The following WWTR1 variants were observed in gnomAD, a reference collection of about 807,000 sequenced individuals.
WWTR1 encodes the protein WW domain containing transcription regulator 1, also known as WW domain-containing transcription regulator protein 1.
In WWTR1, 13 loss-of-function variants were observed where a neutral mutation model predicts 40.1. That is an observed-to-expected ratio of 0.32 (90% confidence interval 0.21 to 0.52). The LOEUF is 0.52. Among genes scored for constraint, WWTR1 ranks in the 20% least tolerant of loss-of-function variants. The probability of loss-of-function intolerance (pLI) is 0.97; values close to 1 mark genes in which losing one functional copy is unlikely to be tolerated. For synonymous variants in WWTR1, 230 were observed against 210.1 expected (o/e 1.09, Z -0.82); for missense variants, 436 against 523.1 (o/e 0.83, Z 1.63).
chr3:149,654,162 A>G (rs555618393), intron 2 of WWTR1, among the ~76,000 whole-genome samples: 2 of 152,208 alleles, frequency 1.3e-5, no homozygotes, highest in Admixed American at 6.5e-5. Flanking sequence ...CCTCAGCCCT[A>G]TTTCATAGAT....
intron 2 of WWTR1, among the ~76,000 whole-genome samples, chr3:149,603,854 C>CAAAAAAAA (rs370980729): frequency 2.4e-5 from 2 of 83,282 alleles, no homozygotes; most frequent in East Asian, 3.1e-4. Flanking sequence ...AGCGGCATAC[C>CAAAAAAAA]AAAAAAAAAA....
intron 5 of WWTR1, among the ~76,000 whole-genome samples, chr3:149,709,629 G>A (rs1715429188): frequency 1.3e-5 from 2 of 152,180 alleles, no homozygotes; most frequent in African/African-American, 4.8e-5. Flanking sequence ...ACTCGGCCAG[G>A]AGCGGTGGCT....
rs577415685 is a variant in WWTR1 at position 149,691,867 on chromosome 3, T to C, written c.-108+11257A>G. ...CCGTCTCTACTAAAAATACAAAAAA[T>C]TAGCCGGGCGTGGTGGCAGGCGCCT... On this transcript the variant is annotated intron_variant, in intron 1 of 7. Transcript: ENST00000465804. 4.1e-3 allele frequency among the ~76,000 whole-genome samples: 629 copies of C among 151,650 alleles called. 5 individuals are homozygous for C. The highest frequency in any genetic ancestry group is 0.015 in the African/African-American group (604 of 41,328).
chr3:149,521,594 T>C (rs1406618402), intron 6 of WWTR1, among the ~76,000 whole-genome samples: 4 of 152,242 alleles, frequency 2.6e-5, no homozygotes, highest in East Asian at 1.9e-4. Flanking sequence ...AGAAATCTTT[T>C]GTTTTCTTTA....
At chr3:149,528,889 A>G (rs967763573) in intron 4 of WWTR1, among the ~76,000 whole-genome samples, 3 of 152,262 alleles carry the variant, frequency 2.0e-5, no homozygotes, top group African/African-American at 7.2e-5. Flanking sequence ...GTTTCACAGC[A>G]TATGGATTTC....
intron 3 of WWTR1, among the ~76,000 whole-genome samples, chr3:149,547,674 C>T (rs1282117006): frequency 6.6e-6 from 1 of 152,092 alleles, no homozygotes; most frequent in Non-Finnish European, 1.5e-5. Context: ...AAGGAATAAC[C>T]CAAACAGAAG....
chr3:149,558,024 T>C (rs574773640), intron 3 of WWTR1, among the ~76,000 whole-genome samples: 25 of 149,178 alleles, frequency 1.7e-4, no homozygotes, highest in Non-Finnish European at 3.3e-4. Flanking sequence ...AAAAAAAGAA[T>C]TATATGTTTT....
At chr3:149,611,134 A>G (rs1739720103) in intron 2 of WWTR1, among the ~76,000 whole-genome samples, 1 of 152,218 alleles carries the variant, frequency 6.6e-6, no homozygotes, top group Non-Finnish European at 1.5e-5. Context: ...CCTGGGTGAC[A>G]GCAAGACCTC....
At chr3:149,668,515 G>A (rs1266687071) in intron 2 of WWTR1, among the ~76,000 whole-genome samples, 2 of 151,828 alleles carry the variant, frequency 1.3e-5, no homozygotes, top group African/African-American at 4.8e-5. Context: ...GGTTGAGGCA[G>A]GAGAATCACT....
chr3:149,678,055 GC>G (rs1714330566), intron 1 of WWTR1, among the ~76,000 whole-genome samples: 1 of 151,924 alleles, frequency 6.6e-6, no homozygotes, highest in Non-Finnish European at 1.5e-5. Context: ...ACAGGCGGGG[GC>G]CACCACACCC....
intron 1 of WWTR1, among the ~76,000 whole-genome samples, chr3:149,687,870 C>G (rs980576907): frequency 1.3e-5 from 2 of 151,964 alleles, no homozygotes; most frequent in Non-Finnish European, 2.9e-5. Context: ...GAAGGAAACC[C>G]ACTGTCCTGA....
upstream of WWTR1, among the ~76,000 whole-genome samples, chr3:149,704,527 G>A (rs986008647): frequency 5.3e-5 from 8 of 152,116 alleles, no homozygotes; most frequent in African/African-American, 1.9e-4. Context: ...TTTGAAAAAA[G>A]GCTTATATAA....
chr3:149,701,596 A>AT (rs1236579205), intron 1 of WWTR1: 2 of 178,024 alleles, frequency 1.1e-5, no homozygotes, highest in African/African-American at 2.4e-5. Context: ...ATGATAAAAT[A>AT]TTTTTTTCAA....
At chr3:149,693,259 A>G (rs1714880512) in intron 1 of WWTR1, among the ~76,000 whole-genome samples, 2 of 152,012 alleles carry the variant, frequency 1.3e-5, no homozygotes, top group Admixed American at 1.3e-4. Flanking sequence ...AGATACCTGG[A>G]AATAAGCTTA....
intron 4 of WWTR1, among the ~76,000 whole-genome samples, chr3:149,541,639 T>C (rs1736105511): frequency 6.6e-6 from 1 of 151,888 alleles, no homozygotes; most frequent in Non-Finnish European, 1.5e-5. Flanking sequence ...ACCAAGAGAG[T>C]GTGGCAAAAG....
intron 2 of WWTR1, among the ~76,000 whole-genome samples, chr3:149,667,231 T>G (rs979082493): frequency 6.6e-6 from 1 of 152,174 alleles, no homozygotes; most frequent in Non-Finnish European, 1.5e-5. Context: ...ACTTGATGCA[T>G]TTTGTTATAG....
intron 1 of WWTR1, among the ~76,000 whole-genome samples, chr3:149,679,240 G>A (rs1175586702): frequency 3.9e-5 from 6 of 152,162 alleles, no homozygotes; most frequent in Admixed American, 3.9e-4. Flanking sequence ...TGAGCATTTT[G>A]GAATACCAAG....
rs140421975 is a variant in WWTR1 at position 149,691,080 on chromosome 3, T to A, written c.-108+12044A>T. ...ATTGATTGAGAAAAAATTTAAAATTTAAAAATTTTTTTTTAAAAGAAAAAA... is the reference window on the plus strand; with the variant it reads ...ATTGATTGAGAAAAAATTTAAAATTAAAAAATTTTTTTTTAAAAGAAAAAA... On this transcript the variant is annotated intron_variant, in intron 1 of 7. Coordinates refer to the WWTR1 transcript ENST00000465804. Among the ~76,000 whole-genome samples the A allele has an allele frequency of 5.2e-3, 798 of 152,082 alleles. 7 individuals carry two copies. The highest frequency in any genetic ancestry group is 0.018 in the African/African-American group (738 of 41,544).
In WWTR1 at chr3:149,518,870, C is replaced by G. The variant is rs1230711642; in HGVS notation, c.*1935G>C. 1 of 151,670 alleles carries G rather than the reference C, an allele frequency of 6.6e-6. No homozygotes were observed. The highest frequency in any genetic ancestry group is 6.6e-5 in the Admixed American group (1 of 15,196). 9.4% of individuals were successfully genotyped at this position (151,670 alleles called of 1,614,324 possible). ...TTGTTTTGCTTTTGGGGTACTATAA[C>G]TTGTCTCTTTCCATTTCACAACTAG... is the stretch of plus-strand genomic sequence containing the variant. On this transcript the variant is annotated 3_prime_UTR_variant, in exon 7 of 7. Transcript: ENST00000360632.
Sources: gnomAD v4.1 joint callset for allele counts (sites outside exome capture counted in the v4.1 genomes callset) on GRCh38, gnomAD v4.1.1 for gene constraint, MANE v1.5 for transcripts, NCBI Gene and HGNC (gene_info 2026-07-23, HGNC 2026-07-21) for gene names.